FAM13A: variants seen among roughly 807,000 people sequenced by gnomAD.
FAM13A encodes family with sequence similarity 13 member A.
Under a neutral mutation model 129.6 loss-of-function variants are expected in FAM13A, and 76 were observed. The observed-to-expected ratio is 0.59, with a 90% CI of 0.49 to 0.71. The LOEUF is 0.71. Ranked by LOEUF, FAM13A falls within the 30% of genes least tolerant of loss-of-function variation. The pLI is 0.00. For missense variants in FAM13A, 1,108 were observed against 1,249.3 expected, an observed-to-expected ratio of 0.89 and a Z score of 1.70; for synonymous variants, 443 against 449.9, an observed-to-expected ratio of 0.98 and a Z score of 0.20.
At chr4:88,731,504 C>CA (rs1204500299) in intron 22 of FAM13A, 76 bp from the exon 23 acceptor site, 1 of 846,408 alleles carries the variant, frequency 1.2e-6, no homozygotes, top group Non-Finnish European at 1.9e-6. Context: ...TGTAACTCAA[C>CA]AGGAGCTGTG....
intron 1 of FAM13A, among the ~76,000 whole-genome samples, chr4:89,034,978 G>T (rs1408430994): frequency 6.6e-6 from 1 of 152,182 alleles, no homozygotes; most frequent in South Asian, 2.1e-4. Flanking sequence ...GAATGAATTT[G>T]GGTGCCCATG....
chr4:88,923,701 A>G (rs1299259630), intron 5 of FAM13A, among the ~76,000 whole-genome samples: 2 of 152,198 alleles, frequency 1.3e-5, no homozygotes, highest in African/African-American at 4.8e-5. Context: ...AGTTCTGGCC[A>G]GGGCAATTAG....
chr4:88,884,676 G>C (rs1215315652), intron 6 of FAM13A, among the ~76,000 whole-genome samples: 1 of 152,108 alleles, frequency 6.6e-6, no homozygotes, highest in Non-Finnish European at 1.5e-5. Context: ...AAGAAAGAAA[G>C]CGGAACCAAA....
rs752314013 is a variant in FAM13A, at chr4:88,851,051, C to T, written c.976G>A (p.Glu326Lys). The change falls in exon 7 of 24, where the codon GAG becomes AAG. Residue 326 changes from glutamate (E) to lysine (K), a missense_variant. Physicochemically the swap from Glu to Lys is moderately conservative, Grantham distance 56. This residue lies in a region of FAM13A where 566 missense variants were observed against 595.7 expected (regional missense o/e 0.95). Transcript: ENST00000264344. Reference protein sequence around the residue: ...KACLEDMNSAEGAISAKLVPS... With the variant: ...KACLEDMNSAKGAISAKLVPS... The stretch of plus-strand genomic sequence containing the variant: ...ACCAACTTGGCACTAATAGCACCCT[C>T]TGCTGAATTCATGTCTTCCAAGCAG... The T allele has an allele frequency of 1.9e-6, 3 of 1,614,044 alleles. No individual in the cohort carries two copies. In the Admixed American group the frequency reaches 5.0e-5, roughly 27 times the overall value.
At chr4:88,961,346 C>CTTTTTTTT (rs1560548919) in intron 4 of FAM13A, among the ~76,000 whole-genome samples, 1 of 89,326 alleles carries the variant, frequency 1.1e-5, no homozygotes, top group African/African-American at 4.4e-5. Flanking sequence ...GTGGAATTTG[C>CTTTTTTTT]CTTTTTTTTT....
chr4:88,994,850 AAT>A (rs1300143580), intron 3 of FAM13A, among the ~76,000 whole-genome samples: 257 of 151,984 alleles, frequency 1.7e-3, no homozygotes, highest in African/African-American at 5.8e-3. Context: ...AAAAAAAAAA[AAT>A]TTCCTAATAA....
At chr4:88,774,797 ATGT>A (rs1184156228) in intron 11 of FAM13A, among the ~76,000 whole-genome samples, 2 of 152,190 alleles carry the variant, frequency 1.3e-5, no homozygotes, top group African/African-American at 4.8e-5. Flanking sequence ...CATGATTGAA[ATGT>A]TGAAGGAAGG....
At chr4:88,947,844 T>C (rs990351651) in intron 4 of FAM13A, among the ~76,000 whole-genome samples, 2 of 106,730 alleles carry the variant, frequency 1.9e-5, no homozygotes, top group African/African-American at 2.6e-5. Flanking sequence ...TTGAAAGTCA[T>C]AGATAGATAT....
At chr4:88,749,167 T>C in intron 16 of FAM13A, 134 bp from the exon 17 acceptor site, 1 of 711,466 alleles carries the variant, frequency 1.4e-6, no homozygotes, top group Non-Finnish European at 2.5e-6. Context: ...ACACGACCAA[T>C]CAGAGCAAAT....
intron 6 of FAM13A, among the ~76,000 whole-genome samples, chr4:88,884,535 CCAACATTATA>C (rs1325870458): frequency 6.6e-6 from 1 of 152,084 alleles, no homozygotes. Flanking sequence ...AAACCCACAG[CCAACATTATA>C]CTGAATGAGG....
chr4:88,861,278 G>A lies in FAM13A; in HGVS notation c.844-10095C>T, dbSNP rs953238806. Among the ~76,000 whole-genome samples, 3 of 151,868 alleles carry A rather than the reference G, an allele frequency of 2.0e-5. No homozygotes were observed. The South Asian group carries it at 6.2e-4, about 32-fold the overall frequency. ...TGCCTGTAATCCCAGCTACTCAGGA[G>A]GCTGAGGCAGGAAAATCGCTTGAAT... On this transcript the variant is annotated intron_variant, in intron 6 of 23. Coordinates refer to ENST00000264344, the MANE Select transcript of FAM13A (RefSeq NM_014883.4).
intron 13 of FAM13A, 97 bp downstream of exon 13, chr4:88,767,456 T>C: frequency 1.2e-6 from 1 of 801,724 alleles, no homozygotes; most frequent in Non-Finnish European, 1.9e-6. Flanking sequence ...ATTACTTATC[T>C]CAATGTCCCT....
At chr4:88,852,374 C>T (rs577684982) in intron 6 of FAM13A, among the ~76,000 whole-genome samples, 1 of 152,076 alleles carries the variant, frequency 6.6e-6, no homozygotes, top group Non-Finnish European at 1.5e-5. Context: ...GTTGGCCTGG[C>T]CAGTCTCAAA....
intron 4 of FAM13A, among the ~76,000 whole-genome samples, chr4:88,958,614 A>T (rs998270242): frequency 2.6e-5 from 4 of 152,214 alleles, no homozygotes; most frequent in Non-Finnish European, 4.4e-5. Context: ...TGCATGAGAA[A>T]GCCTGGTTGT....
chr4:88,841,089 A>C (rs900085381), intron 7 of FAM13A, among the ~76,000 whole-genome samples: 1 of 152,206 alleles, frequency 6.6e-6, no homozygotes, highest in African/African-American at 2.4e-5. Flanking sequence ...AATCTTCATG[A>C]TCTTACATTA....
intron 5 of FAM13A, among the ~76,000 whole-genome samples, chr4:88,921,334 C>A (rs930455939): frequency 6.6e-6 from 1 of 152,198 alleles, no homozygotes; most frequent in Non-Finnish European, 1.5e-5. Context: ...GGAAGCCTAT[C>A]AGACTAACAG....
In FAM13A at chr4:88,726,363, T is replaced by C. The variant is rs530127451; in HGVS notation, c.*2170A>G. ...CACAACATCTCATACACAATTTATT[T>C]TATATAACTTACTTGGTGTTTTCTT... On this transcript the variant is annotated 3_prime_UTR_variant, in exon 24 of 24. Coordinates refer to ENST00000264344, the MANE Select transcript of FAM13A (RefSeq NM_014883.4). 6.9e-6 allele frequency: 1 copy of C among 144,534 alleles called. No individual in the cohort carries two copies. The highest frequency in any genetic ancestry group is 1.9e-4 in the East Asian group (1 of 5,198). The allele number at this position is 144,534 out of a possible 1,614,324, so 9.0% of individuals were successfully genotyped here. A position where few individuals can be genotyped will look rare whatever the true frequency, so the allele number is the denominator to read the frequency against.
At chr4:88,924,263 A>G (rs1218106282) in intron 5 of FAM13A, among the ~76,000 whole-genome samples, 1 of 152,234 alleles carries the variant, frequency 6.6e-6, no homozygotes, top group Non-Finnish European at 1.5e-5. Flanking sequence ...CTAAGCCAAA[A>G]GAACAAAGCT....
intron 7 of FAM13A, among the ~76,000 whole-genome samples, chr4:88,848,586 A>G (rs1737063492): frequency 6.6e-6 from 1 of 152,166 alleles, no homozygotes; most frequent in South Asian, 2.1e-4. Context: ...GTAAGTGACA[A>G]TGACTTCGGG....
Sources: allele counts gnomAD v4.1 joint callset (sites outside exome capture counted in the v4.1 genomes callset), GRCh38; gene constraint gnomAD v4.1.1; regional missense constraint gnomAD v4.1.1; transcripts MANE v1.5; gene names NCBI Gene and HGNC (gene_info 2026-07-23, HGNC 2026-07-21).